EIF4G1: variants seen among roughly 807,000 people sequenced by gnomAD.
The protein encoded by EIF4G1 is EIF4-gamma.
Under a neutral mutation model 187.8 loss-of-function variants are expected in EIF4G1, and 4 were observed. The ratio of observed to expected loss-of-function variants is 0.02; its 90% CI spans 0.01 to 0.05. EIF4G1 has a LOEUF of 0.05. Ranked by LOEUF, EIF4G1 falls within the 10% of genes least tolerant of loss-of-function variation. The pLI is 1.00. For missense variants in EIF4G1, 1,647 were observed against 2,081.1 expected (o/e 0.79, Z 4.06); for synonymous variants, 844 against 781.4 (o/e 1.08, Z -1.34).
At chr3:184,332,729 C>A (rs1421370895) in intron 32 of EIF4G1, among the ~76,000 whole-genome samples, 1 of 151,876 alleles carries the variant, frequency 6.6e-6, no homozygotes, top group Non-Finnish European at 1.5e-5. Flanking sequence ...GAAGCGAAGG[C>A]ACTATGTGTG....
At chr3:184,317,663 A>C in intron 5 of EIF4G1, 54 bp from the exon 6 acceptor site, 1 of 1,553,858 alleles carries the variant, frequency 6.4e-7, no homozygotes, top group Non-Finnish European at 8.9e-7. Flanking sequence ...GGAGTCTGAT[A>C]TGGAACTCAT....
intron 10 of EIF4G1, 89 bp from the exon 11 acceptor site, chr3:184,322,273 C>T (rs1299778283): frequency 9.8e-6 from 15 of 1,531,110 alleles, no homozygotes; most frequent in Admixed American, 1.9e-5. Context: ...AAATACTGTT[C>T]TTTGGCTGCT....
rs2108518981 is a variant in EIF4G1, at chr3:184,331,300, C to T, written c.4196C>T (p.Ala1399Val). Residue 1399 changes from alanine (A) to valine (V), a missense_variant, in exon 29 of 33, where the codon GCC (alanine) becomes GTC (valine). Physicochemically the swap from Ala to Val is moderately conservative, Grantham distance 64. This residue lies in a region of EIF4G1 where 543 missense variants were observed against 638.0 expected (regional missense o/e 0.85). Transcript: ENST00000346169. ...AAGGTGGGGACGCTGTGGCGAGAAG[C>T]CGGGCTTAGCTGGAAGGAATTTCTA... is the stretch of plus-strand genomic sequence containing the variant. ...PKKVGTLWRE[A>V]GLSWKEFLPE... The T allele has an allele frequency of 1.2e-6, 2 of 1,614,160 alleles. No homozygotes were observed. The highest frequency in any genetic ancestry group is 4.5e-5 in the East Asian group (2 of 44,884).
At chr3:184,316,857 C>T (rs1722886580) in intron 4 of EIF4G1, 1 of 1,023,740 alleles carries the variant, frequency 9.8e-7, no homozygotes, top group African/African-American at 1.6e-5. Flanking sequence ...TCCAGGTTCT[C>T]AGTTGGAGGC....
Position 184,325,601 on chromosome 3 carries a change from G to C in EIF4G1, c.3083G>C (p.Ser1028Thr). 6.2e-7 allele frequency: 1 copy of C among 1,614,234 alleles called. No individual in the cohort carries two copies. The highest frequency in any genetic ancestry group is 8.5e-7 in the Non-Finnish European group (1 of 1,180,040). Residue 1028 changes from serine (S) to threonine (T), a missense_variant, in exon 20 of 33, where the codon AGT (serine) becomes ACT (threonine). By Grantham distance (58) the Ser-to-Thr change is moderately conservative. Coordinates refer to ENST00000346169, the MANE Select transcript of EIF4G1 (RefSeq NM_198241.3). This position sits in a 1 kb window ranked among gnomAD's most constrained non-coding sequence, Gnocchi z 5.2. ...IKVQQLMAKGSDKRRGGPPGP... is the reference protein window; with the variant it reads ...IKVQQLMAKGTDKRRGGPPGP... ...GTGCAGCAGCTCATGGCCAAGGGCA[G>C]TGACAAGCGTCGGGGCGGTCCTCCA... is the stretch of plus-strand genomic sequence containing the variant.
intron 6 of EIF4G1, 36 bp downstream of exon 6, chr3:184,317,852 C>A: frequency 1.3e-6 from 2 of 1,486,146 alleles, no homozygotes; most frequent in Non-Finnish European, 1.9e-6. Flanking sequence ...GAGAACAAGC[C>A]CAAGGGAGCA....
At position 184,315,558 on chromosome 3, in the gene EIF4G1, T is replaced by A. The variant is rs111493976; in HGVS notation, c.-35+13T>A. 0.024 allele frequency: 17,956 copies of A among 757,412 alleles called. 393 individuals are homozygous for A. Among genetic ancestry groups the A allele is most frequent in the African/African-American group, 0.083 (4,906 of 58,868 alleles). The allele number at this position is 757,412 out of a possible 1,614,324, so 46.9% of individuals were successfully genotyped here. ...CTTAATCGAGGGGGTGAGTGAGGGG[T>A]CTGTTTCAGTAGGTCAGGGGTTGGT... On this transcript the variant is annotated intron_variant, in intron 2 of 32. Coordinates refer to ENST00000346169, the MANE Select transcript of EIF4G1 (RefSeq NM_198241.3).
intron 23 of EIF4G1, 91 bp downstream of exon 23, chr3:184,327,074 T>A (rs1372288967): frequency 6.3e-7 from 1 of 1,583,414 alleles, no homozygotes; most frequent in South Asian, 1.1e-5. Context: ...TCTTCATACC[T>A]GTCCTGGTTG....
At chr3:184,331,100 C>G (rs951943784) in intron 28 of EIF4G1, among the ~76,000 whole-genome samples, 166 bp from the exon 29 acceptor site, 1 of 152,158 alleles carries the variant, frequency 6.6e-6, no homozygotes, top group African/African-American at 2.4e-5. Context: ...TGCACCAGAC[C>G]GTAGGAATGG....
At position 184,325,615 on chromosome 3, in the gene EIF4G1, G is replaced by A. The variant is rs1424493002; in HGVS notation, c.3097G>A (p.Gly1033Ser). 1 of 1,614,100 alleles carries A rather than the reference G, an allele frequency of 6.2e-7. No individual in the cohort carries two copies. Among genetic ancestry groups the A allele is most frequent in the Non-Finnish European group, 8.5e-7 (1 of 1,180,052 alleles). The change falls in exon 20 of 33, where the codon GGC becomes AGC. Residue 1033 changes from glycine (G) to serine (S), a missense_variant. Physicochemically the swap from Gly to Ser is moderately conservative, Grantham distance 56 (BLOSUM62 0). This residue lies in a region of EIF4G1 where 142 missense variants were observed against 296.6 expected (regional missense o/e 0.48). Transcript: ENST00000346169. This position sits in a 1 kb window ranked among gnomAD's most constrained non-coding sequence, Gnocchi z 5.2. ...LMAKGSDKRRGGPPGPPISRG... is the reference protein window; with the variant it reads ...LMAKGSDKRRSGPPGPPISRG... ...GGCCAAGGGCAGTGACAAGCGTCGG[G>A]GCGGTCCTCCAGGCCCTCCCATCAG... is the stretch of plus-strand genomic sequence containing the variant.
chr3:184,320,885 G>T, intron 8 of EIF4G1, 42 bp from the exon 9 acceptor site: 1 of 1,613,074 alleles, frequency 6.2e-7, no homozygotes, highest in Non-Finnish European at 8.5e-7. Context: ...AAGGGTTGTG[G>T]GACTCTTCAG....
chr3:184,315,843 C>T lies in EIF4G1; in HGVS notation c.47C>T (p.Pro16Leu). The T allele has an allele frequency of 1.3e-6, 2 of 1,550,376 alleles. No individual in the cohort carries two copies. Among genetic ancestry groups the T allele is most frequent in the Non-Finnish European group, 1.7e-6 (2 of 1,146,128 alleles). ...ACAGGCCCCCCACCCGCCCCATCCC[C>T]CGGACTCCCACAGGTAATTAGGGAG... Reference protein sequence around the residue: ...QSTGPPPAPSPGLPQPAFPPG... With the variant: ...QSTGPPPAPSLGLPQPAFPPG... Residue 16 changes from proline to leucine, a missense_variant, in exon 3 of 33, where the codon CCC becomes CTC. Around this residue, in one of 11 missense-constraint regions of EIF4G1, gnomAD observed 61 missense variants for 49.5 expected, o/e 1.23. Transcript: ENST00000346169.
intron 6 of EIF4G1, among the ~76,000 whole-genome samples, chr3:184,319,421 C>T (rs975879575): frequency 5.0e-5 from 7 of 140,922 alleles, no homozygotes; most frequent in Non-Finnish European, 7.7e-5. Flanking sequence ...TGCCTGCCTA[C>T]GAGGGGTGTG....
At position 184,327,840 on chromosome 3, in the gene EIF4G1, A is replaced by G; in HGVS notation, c.3791A>G (p.Gln1264Arg). The change falls in exon 26 of 33, where the codon CAG (glutamine) becomes CGG (arginine). Residue 1264 changes from glutamine to arginine, a missense_variant. Transcript: ENST00000346169. ...CCCTGCACCCCTCAGGAGGCAGTCC[A>G]GTGCGTGCAGGAGCTGGCCTCACCC... ...LHLNDMKEAV[Q>R]CVQELASPSL... 1 of 1,614,024 alleles carries G rather than the reference A, an allele frequency of 6.2e-7. No homozygotes were observed. The highest frequency in any genetic ancestry group is 8.5e-7 in the Non-Finnish European group (1 of 1,180,038).
chr3:184,315,985 C>T, intron 3 of EIF4G1, 129 bp downstream of exon 3: 3 of 1,524,360 alleles, frequency 2.0e-6, no homozygotes, highest in Non-Finnish European at 1.8e-6. Context: ...GACAGGGCCC[C>T]TGGGCTGTCC....
At chr3:184,330,233 G>T (rs1366516059) in intron 28 of EIF4G1, among the ~76,000 whole-genome samples, 1 of 152,128 alleles carries the variant, frequency 6.6e-6, no homozygotes, top group East Asian at 1.9e-4. Context: ...AAAAAAATTA[G>T]CTGGACATGG....
At chr3:184,327,534 T>G in intron 24 of EIF4G1, 52 bp from the exon 25 acceptor site, 1 of 1,612,980 alleles carries the variant, frequency 6.2e-7, no homozygotes, top group Non-Finnish European at 8.5e-7. Flanking sequence ...CTCCAAATCT[T>G]GTTTGCTGGG....
intron 5 of EIF4G1, 28 bp downstream of exon 5, chr3:184,317,525 G>A: frequency 6.2e-7 from 1 of 1,613,542 alleles, no homozygotes. Context: ...GAGCCTAGAA[G>A]CCACAGACCC....
In EIF4G1 at chr3:184,327,898, C is replaced by T. The variant is rs896829889; in HGVS notation, c.3849C>T (p.Val1283=). The part of the protein sequence containing the change: ...SLLFIFVRHG[V]ESTLERSAIA... ...TCTTCATCTTTGTACGGCATGGTGT[C>T]GAGTCTACGCTGGAGCGCAGTGCCA... Residue 1283 remains valine (V), a synonymous_variant, in exon 26 of 33, where the codon GTC becomes GTT. Transcript: ENST00000346169. The T allele has an allele frequency of 2.5e-6, 4 of 1,613,692 alleles. No individual in the cohort carries two copies. The highest frequency in any genetic ancestry group is 1.7e-5 in the Admixed American group (1 of 60,028).
Sources: allele counts gnomAD v4.1 joint callset (sites outside exome capture counted in the v4.1 genomes callset), GRCh38; gene constraint gnomAD v4.1.1; regional missense constraint gnomAD v4.1.1; non-coding constraint Gnocchi (gnomAD v3.1); transcripts MANE v1.5; gene names NCBI Gene and HGNC (gene_info 2026-07-23, HGNC 2026-07-21).